Variants in NCF2 observed in about 807,000 individuals in gnomAD.
The protein encoded by NCF2 is neutrophil cytosol factor 2.
A neutral mutation model predicts 70.9 loss-of-function variants in NCF2; 45 were observed. The observed-to-expected ratio is 0.63, with a 90% confidence interval of 0.50 to 0.81. The LOEUF is 0.81. Ranked by LOEUF, NCF2 falls within the 40% of genes least tolerant of loss-of-function variation. The pLI, the probability that NCF2 is intolerant of heterozygous loss-of-function variation, is 0.00. For synonymous variants in NCF2, 203 were observed against 233.6 expected, an observed-to-expected ratio of 0.87 and a Z score of 1.19; for missense variants, 522 against 631.6, an observed-to-expected ratio of 0.83 and a Z score of 1.86.
the NCF2 span, among the ~76,000 whole-genome samples, chr1:183,599,423 C>CTTCTTTCTTTCTTTCTTTCTTTCTT: frequency 9.3e-6 from 1 of 107,426 alleles, no homozygotes; most frequent in African/African-American, 3.8e-5. Flanking sequence ...TCTTTCTTTC[C>CTTCTTTCTTTCTTTCTTTCTTTCTT]TTCTTTCTTT....
chr1:183,588,950 T>G (rs1321445795), intron 1 of NCF2, among the ~76,000 whole-genome samples: 2 of 152,232 alleles, frequency 1.3e-5, no homozygotes, highest in East Asian at 3.8e-4. Flanking sequence ...CTGGACAATG[T>G]GCACTTTGTG....
Position 183,571,114 on chromosome 1 carries a change from C to CTT in NCF2, c.610-277_610-276dup, listed in dbSNP as rs66625837. ...TGCAATTTGTATAACATCAAATTAT[C>CTT]TTTTTTTTTTTTTTTTTTTTTGAGA... On this transcript the variant is annotated intron_variant, in intron 5 of 14. Transcript: ENST00000367535. 0.013 allele frequency among the ~76,000 whole-genome samples: 1,402 copies of CTT among 106,748 alleles called. 47 individuals are homozygous for CTT. Among genetic ancestry groups the CTT allele is most frequent in the African/African-American group, 0.026 (731 of 28,170 alleles). The allele number at this position is 106,748 out of a possible 152,430, so 70.0% of individuals were successfully genotyped here.
chr1:183,558,588 C>CA (rs1259733706), intron 14 of NCF2, among the ~76,000 whole-genome samples: 2 of 151,450 alleles, frequency 1.3e-5, no homozygotes, highest in Admixed American at 1.3e-4. Context: ...TTTTTTAAGA[C>CA]AGAGTCTCGC....
intron 3 of NCF2, among the ~76,000 whole-genome samples, chr1:183,575,929 C>G (rs1672782033): frequency 6.6e-6 from 1 of 152,198 alleles, no homozygotes; most frequent in Admixed American, 6.5e-5. Context: ...TTCTGAGATT[C>G]AATGAGCTAC....
chr1:183,590,398 C>T lies in NCF2; in HGVS notation c.-69G>A. ...GAGAGAAGACAGGTTGGAGCGTCTCCCCTAGCAGGGCTGCCTTAGTGGCCC... is the reference window on the plus strand; with the variant it reads ...GAGAGAAGACAGGTTGGAGCGTCTCTCCTAGCAGGGCTGCCTTAGTGGCCC... On this transcript the variant is annotated 5_prime_UTR_variant, in exon 1 of 15. Coordinates refer to ENST00000367535, the MANE Select transcript of NCF2 (RefSeq NM_000433.4). The T allele has an allele frequency of 6.3e-7, 1 of 1,586,010 alleles. No homozygotes were observed. The highest frequency in any genetic ancestry group is 8.6e-7 in the Non-Finnish European group (1 of 1,157,528).
intron 2 of NCF2, among the ~76,000 whole-genome samples, chr1:183,579,794 T>A (rs1161994223): frequency 6.8e-6 from 1 of 147,406 alleles, no homozygotes; most frequent in Non-Finnish European, 1.5e-5. Flanking sequence ...ACCTCACAGG[T>A]TCATTGTGAG....
At chr1:183,579,738 C>CAAAAA (rs397982209) in intron 2 of NCF2, among the ~76,000 whole-genome samples, 1 of 38,858 alleles carries the variant, frequency 2.6e-5, no homozygotes, top group Non-Finnish European at 5.5e-5. Context: ...GACTCTGTCT[C>CAAAAA]AAAAAAAAAA....
At chr1:183,585,785 T>C (rs1325721719) in intron 2 of NCF2, among the ~76,000 whole-genome samples, 1 of 152,170 alleles carries the variant, frequency 6.6e-6, no homozygotes, top group African/African-American at 2.4e-5. Flanking sequence ...TTATGAGGTA[T>C]TTGTGCAGGA....
chr1:183,563,357 A>G lies in NCF2; in HGVS notation c.1179-51T>C. The G allele has an allele frequency of 1.9e-6, 3 of 1,613,738 alleles. No individual in the cohort carries two copies. In the South Asian group the frequency reaches 3.3e-5, roughly 18 times the overall value. Reference sequence around the variant, plus strand: ...CCAGTCAAAGAACATCATCACAAAAACCATCCTCCTCTTCCCTCCTCCAGG... The same window carrying G: ...CCAGTCAAAGAACATCATCACAAAAGCCATCCTCCTCTTCCCTCCTCCAGG... On this transcript the variant is annotated intron_variant, in intron 12 of 14. Coordinates refer to ENST00000367535, the MANE Select transcript of NCF2 (RefSeq NM_000433.4).
At chr1:183,597,838 G>A in the NCF2 span, 1 of 152,400 alleles carries the variant, frequency 6.6e-6, no homozygotes, top group East Asian at 1.9e-4. Context: ...AACAAGTGAA[G>A]AGTGGACATC....
At chr1:183,587,019 G>T in intron 1 of NCF2, 42 bp from the exon 2 acceptor site, 1 of 1,552,948 alleles carries the variant, frequency 6.4e-7, no homozygotes, top group Non-Finnish European at 8.9e-7. Flanking sequence ...ATGCAAGGCA[G>T]TGAGGAGGTG....
At chr1:183,594,267 GC>G (rs1413945131), upstream of NCF2, among the ~76,000 whole-genome samples, 2 of 144,612 alleles carry the variant, frequency 1.4e-5, no homozygotes, top group Non-Finnish European at 1.5e-5. Context: ...AATTAGCCAG[GC>G]ATGGTGGCAC....
At chr1:183,593,779 G>A (rs556018991), upstream of NCF2, among the ~76,000 whole-genome samples, 26 of 152,222 alleles carry the variant, frequency 1.7e-4, 1 homozygote, top group South Asian at 3.9e-3. Context: ...GTTAGTAGAC[G>A]GTCTGTTCAG....
chr1:183,558,855 G>T (rs789184), intron 14 of NCF2, among the ~76,000 whole-genome samples: 1 of 151,752 alleles, frequency 6.6e-6, no homozygotes, highest in African/African-American at 2.4e-5. Flanking sequence ...TGAGCCACCA[G>T]GCCCAGCCTA....
At chr1:183,573,086 G>T in intron 5 of NCF2, 99 bp downstream of exon 5, 2 of 1,089,020 alleles carry the variant, frequency 1.8e-6, no homozygotes, top group Non-Finnish European at 2.8e-6. Context: ...CAGGGACAGA[G>T]CCACAAGGAG....
intron 3 of NCF2, among the ~76,000 whole-genome samples, chr1:183,576,294 C>T (rs557630200): frequency 6.6e-6 from 1 of 152,314 alleles, no homozygotes; most frequent in South Asian, 2.1e-4. Flanking sequence ...CATTTTAACC[C>T]CAACTCCAGG....
At chr1:183,589,845 G>T (rs1163312772) in intron 1 of NCF2, among the ~76,000 whole-genome samples, 4 of 152,188 alleles carry the variant, frequency 2.6e-5, no homozygotes, top group Non-Finnish European at 5.9e-5. Flanking sequence ...AAGGAGTTCT[G>T]TGTAGAAGAA....
intron 2 of NCF2, among the ~76,000 whole-genome samples, chr1:183,583,769 A>C (rs1673218554): frequency 6.6e-6 from 1 of 152,236 alleles, no homozygotes; most frequent in Non-Finnish European, 1.5e-5. Context: ...CGGAGGATGC[A>C]TGAGTGGGTG....
At chr1:183,585,927 T>C (rs1673328442) in intron 2 of NCF2, among the ~76,000 whole-genome samples, 2 of 152,218 alleles carry the variant, frequency 1.3e-5, no homozygotes, top group African/African-American at 4.8e-5. Context: ...TTTCCTATAA[T>C]CCCACCATCC....
Sources: allele counts gnomAD v4.1 joint callset (sites outside exome capture counted in the v4.1 genomes callset), GRCh38; gene constraint gnomAD v4.1.1; transcripts MANE v1.5; gene names NCBI Gene and HGNC (gene_info 2026-07-23, HGNC 2026-07-21).